The following TENM3 variants were observed in gnomAD, a reference collection of about 807,000 sequenced individuals.
The protein encoded by TENM3 is teneurin-3.
TENM3 carries 63 observed loss-of-function variants against 255.1 expected under a neutral mutation model. The observed-to-expected ratio is 0.25, with a 90% CI of 0.20 to 0.30. TENM3 has a LOEUF of 0.30. Among genes scored for constraint, TENM3 ranks in the 10% least tolerant of loss-of-function variants. The pLI, the probability that TENM3 is intolerant of heterozygous loss-of-function variation, is 1.00. For synonymous variants in TENM3, 1,306 were observed against 1,322.3 expected, an observed-to-expected ratio of 0.99 and a Z score of 0.27; for missense variants, 2,929 against 3,461.1, an observed-to-expected ratio of 0.85 and a Z score of 3.86.
chr4:181,523,860 A>T, the TENM3 span, among the ~76,000 whole-genome samples: 1 of 152,212 alleles, frequency 6.6e-6, no homozygotes, highest in South Asian at 2.1e-4. Context: ...AAACCATCCT[A>T]CAGGATTCAA....
chr4:182,118,340 A>G, the TENM3 span, among the ~76,000 whole-genome samples: 1 of 152,230 alleles, frequency 6.6e-6, no homozygotes, highest in African/African-American at 2.4e-5. Context: ...GTGGTAAGAC[A>G]GGACAGCCTG....
intron 3 of TENM3, among the ~76,000 whole-genome samples, chr4:182,380,200 G>A (rs1013067540): frequency 6.6e-6 from 1 of 152,186 alleles, no homozygotes; most frequent in African/African-American, 2.4e-5. Flanking sequence ...GAACCCGGGA[G>A]GCAGAGGTTG....
the TENM3 span, among the ~76,000 whole-genome samples, chr4:181,575,578 C>T: frequency 6.6e-6 from 1 of 152,126 alleles, no homozygotes; most frequent in East Asian, 1.9e-4. Flanking sequence ...TTCTTGCAAA[C>T]CATATTGCCT....
chr4:181,667,168 A>G, the TENM3 span, among the ~76,000 whole-genome samples: 1 of 152,042 alleles, frequency 6.6e-6, no homozygotes, highest in Non-Finnish European at 1.5e-5. Flanking sequence ...ACTACACAAA[A>G]TGCTCCTCAT....
At chr4:182,490,582 T>A (rs1383924176) in intron 3 of TENM3, among the ~76,000 whole-genome samples, 1 of 152,178 alleles carries the variant, frequency 6.6e-6, no homozygotes, top group South Asian at 2.1e-4. Context: ...AATTTTTGAC[T>A]TCATGGAAAA....
intron 24 of TENM3, among the ~76,000 whole-genome samples, chr4:182,784,396 A>C (rs892925425): frequency 1.3e-5 from 2 of 151,788 alleles, no homozygotes; most frequent in African/African-American, 4.8e-5. Flanking sequence ...CCACTTGAGG[A>C]GGCACTCTGC....
chr4:181,735,604 T>G, the TENM3 span, among the ~76,000 whole-genome samples: 314 of 152,296 alleles, frequency 2.1e-3, 2 homozygotes, highest in Non-Finnish European at 3.9e-3. Flanking sequence ...TAATAAAATG[T>G]CAATGATGAA....
At chr4:181,883,544 G>T in the TENM3 span, among the ~76,000 whole-genome samples, 89 of 152,164 alleles carry the variant, frequency 5.8e-4, 2 homozygotes, top group African/African-American at 2.1e-3. Flanking sequence ...GTGCGATCTC[G>T]GCTCACTGCA....
At chr4:182,673,271 TGAA>T in intron 7 of TENM3, 52 bp downstream of exon 7, 1 of 1,297,316 alleles carries the variant, frequency 7.7e-7, no homozygotes, top group Non-Finnish European at 1.1e-6. Flanking sequence ...TTGCATTTTT[TGAA>T]ATTATTCTCT....
intron 1 of TENM3, among the ~76,000 whole-genome samples, chr4:182,164,491 A>C (rs1392885827): frequency 6.6e-6 from 1 of 152,148 alleles, no homozygotes; most frequent in Non-Finnish European, 1.5e-5. Context: ...GGTGACTTCC[A>C]TGTTGACTTA....
the TENM3 span, among the ~76,000 whole-genome samples, chr4:181,892,631 T>C: frequency 6.6e-6 from 1 of 152,192 alleles, no homozygotes; most frequent in African/African-American, 2.4e-5. Context: ...CTAGCCACCT[T>C]GGCCCCTCAC....
At chr4:182,085,070 T>A in the TENM3 span, 2 of 152,256 alleles carry the variant, frequency 1.3e-5, no homozygotes, top group Admixed American at 1.3e-4. Context: ...CTGTTTGCCA[T>A]CCATAAAGAA....
At chr4:181,849,973 A>ACACACACACACACACACACACACT in the TENM3 span, among the ~76,000 whole-genome samples, 1 of 147,072 alleles carries the variant, frequency 6.8e-6, no homozygotes, top group Non-Finnish European at 1.5e-5. Flanking sequence ...ACACACACAC[A>ACACACACACACACACACACACACT]CACACACACA....
At chr4:182,026,436 C>T in the TENM3 span, among the ~76,000 whole-genome samples, 3 of 152,064 alleles carry the variant, frequency 2.0e-5, no homozygotes, top group South Asian at 4.2e-4. Context: ...TTGATAGTTT[C>T]CTTTGCTGTA....
At chr4:182,286,845 C>T (rs1195551682) in intron 1 of TENM3, among the ~76,000 whole-genome samples, 1 of 152,160 alleles carries the variant, frequency 6.6e-6, no homozygotes, top group African/African-American at 2.4e-5. Flanking sequence ...GTCCACTCTA[C>T]ACTTAGCAGC....
chr4:182,133,854 T>A, the TENM3 span, among the ~76,000 whole-genome samples: 1 of 152,240 alleles, frequency 6.6e-6, no homozygotes, highest in Non-Finnish European at 1.5e-5. Context: ...ATATATTTAC[T>A]TTATGAAAAA....
the TENM3 span, among the ~76,000 whole-genome samples, chr4:181,877,287 T>C: frequency 6.6e-6 from 1 of 152,174 alleles, no homozygotes; most frequent in Non-Finnish European, 1.5e-5. Flanking sequence ...AAAAATAATA[T>C]TGAATGACAA....
the TENM3 span, among the ~76,000 whole-genome samples, chr4:182,090,636 T>C: frequency 1.3e-5 from 2 of 152,200 alleles, no homozygotes; most frequent in African/African-American, 4.8e-5. Flanking sequence ...TGTACATATA[T>C]ATATGAAATG....
At chr4:181,838,404 G>A in the TENM3 span, among the ~76,000 whole-genome samples, 1 of 152,138 alleles carries the variant, frequency 6.6e-6, no homozygotes, top group Non-Finnish European at 1.5e-5. Context: ...ATACTTTTTT[G>A]TCGAGTTTGG....
Sources: allele counts gnomAD v4.1 joint callset (sites outside exome capture counted in the v4.1 genomes callset), GRCh38; gene constraint gnomAD v4.1.1; transcripts MANE v1.5; gene names NCBI Gene and HGNC (gene_info 2026-07-23, HGNC 2026-07-21).